Variants in SPOCK3 observed in about 807,000 individuals in gnomAD.
SPOCK3 encodes the protein testican-3.
Under a neutral mutation model 56.6 loss-of-function variants are expected in SPOCK3, and 30 were observed. The observed-to-expected ratio is 0.53, with a 90% CI of 0.40 to 0.72. The LOEUF (loss-of-function observed/expected upper bound fraction) is 0.72. Among genes scored for constraint, SPOCK3 ranks in the 30% least tolerant of loss-of-function variants. The pLI, the probability that SPOCK3 is intolerant of heterozygous loss-of-function variation, is 0.00. For missense variants in SPOCK3, 527 were observed against 530.0 expected, an observed-to-expected ratio of 0.99 and a Z score of 0.06; for synonymous variants, 196 against 183.3, an observed-to-expected ratio of 1.07 and a Z score of -0.56.
intron 2 of SPOCK3, among the ~76,000 whole-genome samples, chr4:167,135,361 G>A (rs1447762810): frequency 1.3e-5 from 2 of 152,066 alleles, no homozygotes; most frequent in East Asian, 1.9e-4. Flanking sequence ...CACATGGGAG[G>A]AAGAAAGTAA....
In SPOCK3 at chr4:167,108,997, T is replaced by TAAAA. The variant is rs1242108190; in HGVS notation, c.190-46461_190-46460insTTTT. Among the ~76,000 whole-genome samples, 6 of 96,272 alleles carry TAAAA rather than the reference T, an allele frequency of 6.2e-5. 1 individual carries two copies. Among genetic ancestry groups the TAAAA allele is most frequent in the African/African-American group, 3.1e-4 (6 of 19,636 alleles). 63.2% of individuals were successfully genotyped at this position (96,272 alleles called of 152,430 possible). On this transcript the variant is annotated intron_variant, in intron 2 of 10. Coordinates refer to ENST00000357545, the MANE Select transcript of SPOCK3 (RefSeq NM_001040159.2). Reference sequence around the variant, plus strand: ...TAAATATTATAAATATATATTTATATATATATAAATATATACTTATATAAA... The same window carrying TAAAA: ...TAAATATTATAAATATATATTTATATAAAAATATATAAATATATACTTATATAAA...
At chr4:166,897,741 G>C (rs1735542862) in intron 5 of SPOCK3, among the ~76,000 whole-genome samples, 1 of 152,144 alleles carries the variant, frequency 6.6e-6, no homozygotes, top group African/African-American at 2.4e-5. Context: ...AGTGGTTTTT[G>C]GCAACGATGA....
intron 6 of SPOCK3, among the ~76,000 whole-genome samples, chr4:166,806,034 G>C (rs17519960): frequency 0.11 from 16,686 of 151,978 alleles, 953 homozygotes; most frequent in Non-Finnish European, 0.13. Flanking sequence ...GTAATTAAGA[G>C]TTGTAGAAAA....
At chr4:167,086,994 A>C (rs745690651) in intron 2 of SPOCK3, among the ~76,000 whole-genome samples, 2 of 152,260 alleles carry the variant, frequency 1.3e-5, no homozygotes, top group Non-Finnish European at 2.9e-5. Context: ...AGCAATCATG[A>C]TGCAGGAATA....
chr4:167,138,983 T>C (rs1763324574), intron 2 of SPOCK3, among the ~76,000 whole-genome samples: 2 of 151,980 alleles, frequency 1.3e-5, no homozygotes, highest in African/African-American at 4.8e-5. Context: ...AATAAAATGT[T>C]AAACACAGCA....
intron 3 of SPOCK3, among the ~76,000 whole-genome samples, chr4:167,050,227 C>T (rs1053994889): frequency 1.3e-5 from 2 of 152,212 alleles, no homozygotes; most frequent in South Asian, 4.1e-4. Flanking sequence ...TTAATAAGAA[C>T]TCTTTCTACA....
chr4:167,010,812 A>G (rs752038627), intron 3 of SPOCK3, among the ~76,000 whole-genome samples: 1 of 150,552 alleles, frequency 6.6e-6, no homozygotes, highest in South Asian at 2.1e-4. Flanking sequence ...AAAATGATTA[A>G]TTTCCAGTGG....
chr4:166,914,217 A>G (rs757498792), intron 4 of SPOCK3, among the ~76,000 whole-genome samples: 3 of 152,060 alleles, frequency 2.0e-5, no homozygotes, highest in South Asian at 2.1e-4. Flanking sequence ...ATTTTATTAG[A>G]GCAAAAGAGG....
At chr4:167,084,144 TATTA>T (rs1449406894) in intron 2 of SPOCK3, among the ~76,000 whole-genome samples, 5 of 152,096 alleles carry the variant, frequency 3.3e-5, no homozygotes, top group African/African-American at 1.2e-4. Context: ...GAGCACCTAA[TATTA>T]GGTCTCTCAA....
intron 6 of SPOCK3, among the ~76,000 whole-genome samples, chr4:166,809,728 C>T (rs1163303618): frequency 1.3e-5 from 2 of 151,924 alleles, no homozygotes; most frequent in Non-Finnish European, 2.9e-5. Flanking sequence ...GATAAGCAGC[C>T]CCTGATAGCT....
chr4:167,125,191 T>TTTTATTTATTTA (rs59279364), intron 2 of SPOCK3, among the ~76,000 whole-genome samples: 49 of 142,528 alleles, frequency 3.4e-4, no homozygotes, highest in South Asian at 1.1e-3. Context: ...CACAGAGATT[T>TTTTATTTATTTA]TTTATTTATT....
At chr4:166,922,498 A>G (rs1179414103) in intron 4 of SPOCK3, among the ~76,000 whole-genome samples, 4 of 152,120 alleles carry the variant, frequency 2.6e-5, no homozygotes, top group African/African-American at 9.7e-5. Flanking sequence ...ACAATCACCT[A>G]TATAGTCATC....
chr4:167,190,840 G>A (rs1286391299), intron 2 of SPOCK3, among the ~76,000 whole-genome samples: 2 of 145,784 alleles, frequency 1.4e-5, no homozygotes, highest in African/African-American at 5.2e-5. Flanking sequence ...TGTATATCAA[G>A]TTTTACTACT....
At chr4:166,860,269 T>C (rs1422691471) in intron 6 of SPOCK3, among the ~76,000 whole-genome samples, 1 of 152,124 alleles carries the variant, frequency 6.6e-6, no homozygotes, top group Non-Finnish European at 1.5e-5. Context: ...CATTAGAATC[T>C]TTTGTTTGAT....
chr4:166,766,717 A>T lies in SPOCK3; in HGVS notation c.710-11988T>A, dbSNP rs373143254. On this transcript the variant is annotated intron_variant, in intron 7 of 10. Coordinates refer to ENST00000357545, the MANE Select transcript of SPOCK3 (RefSeq NM_001040159.2). ...GCTGAACTCATAAAATGAGTTAGGG[A>T]GGATATCCTCTTTTTCTATTGATTG... Among the ~76,000 whole-genome samples, 11 of 152,322 alleles carry T rather than the reference A, an allele frequency of 7.2e-5. No homozygotes were observed. In the South Asian group the frequency reaches 2.3e-3, roughly 32 times the overall value.
chr4:166,953,184 T>G (rs1397663577), intron 4 of SPOCK3, among the ~76,000 whole-genome samples: 1 of 148,970 alleles, frequency 6.7e-6, no homozygotes, highest in Non-Finnish European at 1.5e-5. Flanking sequence ...CAACCTACTC[T>G]TCTGACAAAG....
At chr4:166,738,861 G>A (rs1284246312) in intron 9 of SPOCK3, among the ~76,000 whole-genome samples, 1 of 151,762 alleles carries the variant, frequency 6.6e-6, no homozygotes, top group Non-Finnish European at 1.5e-5. Context: ...TCTTAATCCA[G>A]TCTATCATTG....
chr4:167,059,863 G>C (rs1455565816), intron 3 of SPOCK3, among the ~76,000 whole-genome samples: 3 of 152,154 alleles, frequency 2.0e-5, no homozygotes, highest in Admixed American at 6.5e-5. Context: ...CGACATGGAT[G>C]AAATTGGAAA....
At chr4:166,737,377 C>T in intron 10 of SPOCK3, 90 bp downstream of exon 10, 2 of 1,373,542 alleles carry the variant, frequency 1.5e-6, no homozygotes. Context: ...TAGAGTAAGT[C>T]CTCATTAAAT....
Sources: gnomAD v4.1 joint callset for allele counts (sites outside exome capture counted in the v4.1 genomes callset) on GRCh38, gnomAD v4.1.1 for gene constraint, MANE v1.5 for transcripts, NCBI Gene and HGNC (gene_info 2026-07-23, HGNC 2026-07-21) for gene names.